The following XRN2 variants were observed in gnomAD, a reference collection of about 807,000 sequenced individuals.
The protein encoded by XRN2 is DHM1-like protein.
XRN2 carries 44 observed loss-of-function variants against 138.5 expected under a neutral mutation model. The ratio of observed to expected loss-of-function variants is 0.32; its 90% CI spans 0.25 to 0.41. XRN2 has a LOEUF of 0.41. XRN2 is among the 10% of genes least tolerant of loss of function. The pLI, the probability that XRN2 is intolerant of heterozygous loss-of-function variation, is 1.00. For missense variants in XRN2, 937 were observed against 1,169.3 expected, an observed-to-expected ratio of 0.80 and a Z score of 2.90; for synonymous variants, 354 against 369.4, an observed-to-expected ratio of 0.96 and a Z score of 0.48.
Position 21,365,616 on chromosome 20 carries a change from A to G in XRN2, c.2368A>G (p.Ser790Gly). The change falls in exon 26 of 30, where the codon AGC (serine) becomes GGC (glycine). Residue 790 changes from serine to glycine, a missense_variant. Ser to Gly is a moderately conservative substitution (Grantham distance 56). Transcript: ENST00000377191. ...VLKPSDWEKSSNGRQWKPQLG... is the reference protein window; with the variant it reads ...VLKPSDWEKSGNGRQWKPQLG... ...GAAACCTAGTGACTGGGAAAAATCC[A>G]GCAATGGACGGCAGTGGAAGCCTCA... 2 of 1,613,444 alleles carry G rather than the reference A, an allele frequency of 1.2e-6. No individual in the cohort carries two copies. The highest frequency in any genetic ancestry group is 8.5e-7 in the Non-Finnish European group (1 of 1,179,948).
At chr20:21,377,264 C>CTTTTTTTTTTTTTTTTTTTTTTTTTTTTG (rs761622310) in intron 27 of XRN2, among the ~76,000 whole-genome samples, 2 of 82,782 alleles carry the variant, frequency 2.4e-5, no homozygotes, top group Non-Finnish European at 4.2e-5. Context: ...TCGGTTTTTT[C>CTTTTTTTTTTTTTTTTTTTTTTTTTTTTG]TTTTTTTTTT....
At chr20:21,385,491 T>C (rs550501180) in intron 28 of XRN2, among the ~76,000 whole-genome samples, 1 of 152,362 alleles carries the variant, frequency 6.6e-6, no homozygotes, top group South Asian at 2.1e-4. Context: ...GCATTTTCTT[T>C]CTGAGATAAA....
intron 1 of XRN2, among the ~76,000 whole-genome samples, chr20:21,316,451 AGTT>A (rs2037960443): frequency 6.6e-6 from 1 of 151,924 alleles, no homozygotes; most frequent in Non-Finnish European, 1.5e-5. Context: ...ATCCATTTTG[AGTT>A]GTTTGGGTTG....
chr20:21,366,149 T>C (rs1210339646), intron 26 of XRN2, among the ~76,000 whole-genome samples: 2 of 44,992 alleles, frequency 4.4e-5, no homozygotes, highest in Non-Finnish European at 6.9e-5. Context: ...CATATATAAA[T>C]ATATATTTAT....
intron 27 of XRN2, among the ~76,000 whole-genome samples, chr20:21,369,813 A>G (rs1208952143): frequency 6.6e-6 from 1 of 152,034 alleles, no homozygotes; most frequent in Non-Finnish European, 1.5e-5. Context: ...CTCTCATTCC[A>G]TGGGTTGTCT....
chr20:21,329,843 A>G (rs1375624102), intron 4 of XRN2, among the ~76,000 whole-genome samples: 1 of 144,820 alleles, frequency 6.9e-6, no homozygotes, highest in African/African-American at 2.6e-5. Flanking sequence ...ATCAAAAAAT[A>G]TGGCCTCTAA....
At chr20:21,378,015 G>T (rs943668659) in intron 27 of XRN2, among the ~76,000 whole-genome samples, 1 of 152,174 alleles carries the variant, frequency 6.6e-6, no homozygotes. Flanking sequence ...TTCAGGAACC[G>T]CTGATACTGA....
rs1393120726 is a variant in XRN2, at chr20:21,346,492, G to A, written c.1607G>A (p.Arg536Gln). The change falls in exon 17 of 30, where the codon CGG (arginine) becomes CAG (glutamine). Residue 536 changes from arginine (R) to glutamine (Q), a missense_variant. Around this residue, in one of 6 missense-constraint regions of XRN2, gnomAD observed 471 missense variants for 581.2 expected, o/e 0.81. Coordinates refer to ENST00000377191, the MANE Select transcript of XRN2 (RefSeq NM_012255.5). Reference sequence around the variant, plus strand: ...GATGCAGCTGATGAGAAATTCCGTCGGAAAGTTGTGCAGTCGTACGTTGAA... The same window carrying A: ...GATGCAGCTGATGAGAAATTCCGTCAGAAAGTTGTGCAGTCGTACGTTGAA... Reference protein sequence around the residue: ...DVDAADEKFRRKVVQSYVEGL... With the variant: ...DVDAADEKFRQKVVQSYVEGL... 4.3e-6 allele frequency: 7 copies of A among 1,613,990 alleles called. No homozygotes were observed. The highest frequency in any genetic ancestry group is 1.7e-5 in the Admixed American group (1 of 60,000).
intron 1 of XRN2, among the ~76,000 whole-genome samples, chr20:21,314,279 A>G (rs777885383): frequency 6.6e-6 from 1 of 152,142 alleles, no homozygotes; most frequent in Non-Finnish European, 1.5e-5. Context: ...TTATTTGCTT[A>G]TGGCCAAATA....
chr20:21,375,717 C>T lies in XRN2; in HGVS notation c.2585-6277C>T, dbSNP rs553615559. ...TTTCTAGACTTTTGGTCAGTATCAC[C>T]ACATTAACCTCTAAATAAGAGTATA... On this transcript the variant is annotated intron_variant, in intron 27 of 29. Coordinates refer to ENST00000377191, the MANE Select transcript of XRN2 (RefSeq NM_012255.5). Among the ~76,000 whole-genome samples the T allele has an allele frequency of 4.6e-5, 7 of 151,908 alleles. No individual in the cohort carries two copies. In the South Asian group the frequency reaches 1.5e-3, roughly 31 times the overall value.
At chr20:21,382,094 C>A in intron 28 of XRN2, 37 bp downstream of exon 28, 2 of 1,558,424 alleles carry the variant, frequency 1.3e-6, no homozygotes, top group South Asian at 1.2e-5. Context: ...TAAATACTTT[C>A]TGACACCAAC....
intron 17 of XRN2, 104 bp downstream of exon 17, chr20:21,346,654 C>G (rs2038439891): frequency 7.0e-7 from 1 of 1,427,884 alleles, no homozygotes; most frequent in Admixed American, 2.0e-5. Flanking sequence ...GAGTCTTGCC[C>G]TGTCACCTGG....
At chr20:21,317,977 G>A (rs2037983287) in intron 1 of XRN2, among the ~76,000 whole-genome samples, 1 of 152,206 alleles carries the variant, frequency 6.6e-6, no homozygotes, top group African/African-American at 2.4e-5. Flanking sequence ...GAATTGTTGG[G>A]AAGAGTTCAT....
At chr20:21,381,767 G>A (rs1162626947) in intron 27 of XRN2, among the ~76,000 whole-genome samples, 1 of 151,852 alleles carries the variant, frequency 6.6e-6, no homozygotes, top group Non-Finnish European at 1.5e-5. Context: ...TAGTGACCAG[G>A]GGTTACTAAA....
chr20:21,384,786 C>T (rs1158746350), intron 28 of XRN2, among the ~76,000 whole-genome samples: 3 of 152,226 alleles, frequency 2.0e-5, no homozygotes, highest in Non-Finnish European at 4.4e-5. Context: ...GTTACTGTGC[C>T]TGGCCTAATT....
rs1223811996 is a variant in XRN2 at position 21,307,405 on chromosome 20, T to C, written c.75+3932T>C. Among the ~76,000 whole-genome samples the C allele has an allele frequency of 2.6e-5, 2 of 76,732 alleles. 1 individual carries two copies. The highest frequency in any genetic ancestry group is 7.1e-5 in the African/African-American group (2 of 28,090). 50.3% of individuals were successfully genotyped at this position (76,732 alleles called of 152,430 possible). ...CAGGATACTGGTCCTCTTAGACTCA[T>C]GTATTTTTATTTTTATTTTCTCTCT... On this transcript the variant is annotated intron_variant, in intron 1 of 29. Coordinates refer to ENST00000377191, the MANE Select transcript of XRN2 (RefSeq NM_012255.5).
At chr20:21,310,194 C>T (rs1053041642) in intron 1 of XRN2, among the ~76,000 whole-genome samples, 8 of 152,100 alleles carry the variant, frequency 5.3e-5, no homozygotes, top group African/African-American at 1.7e-4. Flanking sequence ...CCCTTTGGCC[C>T]GCTGGTTATT....
chr20:21,354,684 T>C, intron 20 of XRN2, 105 bp from the exon 21 acceptor site: 1 of 1,020,492 alleles, frequency 9.8e-7, no homozygotes, highest in Non-Finnish European at 1.5e-6. Flanking sequence ...AATGTTTTTG[T>C]ATCAGCAAGG....
chr20:21,352,339 T>C (rs2038520085), intron 20 of XRN2, among the ~76,000 whole-genome samples: 1 of 152,166 alleles, frequency 6.6e-6, no homozygotes. Context: ...TAATTTTTTT[T>C]TTTTTAAAGA....
Sources: gnomAD v4.1 joint callset for allele counts (sites outside exome capture counted in the v4.1 genomes callset) on GRCh38, gnomAD v4.1.1 for gene constraint, gnomAD v4.1.1 regional missense constraint, MANE v1.5 for transcripts, NCBI Gene and HGNC (gene_info 2026-07-23, HGNC 2026-07-21) for gene names.